The following NFX1 variants were observed in gnomAD, a reference collection of about 807,000 sequenced individuals.
NFX1 encodes nuclear transcription factor, X-box binding 1, also known as transcriptional repressor NF-X1.
Under a neutral mutation model 137.2 loss-of-function variants are expected in NFX1, and 69 were observed. The ratio of observed to expected loss-of-function variants is 0.50; its 90% CI spans 0.41 to 0.61. The LOEUF is 0.61. NFX1 is among the 20% of genes least tolerant of loss of function. NFX1 has a pLI of 0.00. For missense variants in NFX1, 1,167 were observed against 1,391.0 expected (o/e 0.84, Z 2.56); for synonymous variants, 495 against 474.1 (o/e 1.04, Z -0.57).
At position 33,294,499 on chromosome 9, in the gene NFX1, A is replaced by G. The variant is rs768809838; in HGVS notation, c.105A>G (p.Gln35=). 9.9e-6 allele frequency: 16 copies of G among 1,613,538 alleles called. No individual in the cohort carries two copies. In the Admixed American group the frequency reaches 2.5e-4, roughly 25 times the overall value. ...ATTCTGGTCTAAATTGTGGGACTCA[A>G]AGGAGACTAGACTCTAATAGGATTG... ...KKNSGLNCGT[Q]RRLDSNRIGR... The change falls in exon 2 of 24, where the codon CAA becomes CAG. Residue 35 remains glutamine, a synonymous_variant. Transcript: ENST00000379540.
At chr9:33,367,174 C>T (rs1043410397) in intron 22 of NFX1, among the ~76,000 whole-genome samples, 5 of 152,200 alleles carry the variant, frequency 3.3e-5, no homozygotes, top group African/African-American at 1.2e-4. Flanking sequence ...TGGTTCGAGG[C>T]ATCCCCTGTG....
At chr9:33,292,165 C>T (rs1821185859) in intron 1 of NFX1, among the ~76,000 whole-genome samples, 1 of 152,120 alleles carries the variant, frequency 6.6e-6, no homozygotes, top group Non-Finnish European at 1.5e-5. Flanking sequence ...TGGTGTTGTG[C>T]CCAAGTTATT....
chr9:33,332,333 C>G, intron 10 of NFX1, 139 bp from the exon 11 acceptor site: 1 of 739,850 alleles, frequency 1.4e-6, no homozygotes, highest in South Asian at 2.0e-5. Context: ...CCAGACATGG[C>G]AAGTGAAGTT....
chr9:33,348,540 A>G (rs1823519497), intron 15 of NFX1: 1 of 153,300 alleles, frequency 6.5e-6, no homozygotes, highest in South Asian at 2.1e-4. Context: ...GGTCACCCTA[A>G]CAGATATAAT....
At position 33,354,190 on chromosome 9, in the gene NFX1, A is replaced by G. The variant is rs1204025700; in HGVS notation, c.2831+3A>G. The G allele has an allele frequency of 3.7e-6, 6 of 1,608,204 alleles. No homozygotes were observed. The highest frequency in any genetic ancestry group is 5.1e-6 in the Non-Finnish European group (6 of 1,177,026). ...AAAAAGGAAGTTCATCAAGCCAGGTAATTTTTAAAATGCATATATGTGCCT... is the reference window on the plus strand; with the variant it reads ...AAAAAGGAAGTTCATCAAGCCAGGTGATTTTTAAAATGCATATATGTGCCT... On this transcript the variant is annotated splice_donor_region_variant and intron_variant, in intron 18 of 23. Coordinates refer to ENST00000379540, the MANE Select transcript of NFX1 (RefSeq NM_002504.6).
intron 14 of NFX1, among the ~76,000 whole-genome samples, chr9:33,345,480 A>T (rs891116012): frequency 1.3e-5 from 2 of 152,170 alleles, no homozygotes; most frequent in Non-Finnish European, 2.9e-5. Context: ...CTGTCTCAAA[A>T]AAAAAAGAGA....
chr9:33,366,304 T>G (rs1341253097), intron 21 of NFX1, among the ~76,000 whole-genome samples: 3 of 152,224 alleles, frequency 2.0e-5, no homozygotes, highest in South Asian at 2.1e-4. Context: ...TAGTCATTTT[T>G]GGGGAATATC....
chr9:33,313,327 G>A (rs55863878), intron 6 of NFX1, among the ~76,000 whole-genome samples: 3,682 of 152,176 alleles, frequency 0.024, 65 homozygotes, highest in Non-Finnish European at 0.035. Flanking sequence ...GGTGGCTCAA[G>A]CCTGTAATCC....
chr9:33,336,195 A>G (rs1822995640), intron 11 of NFX1, among the ~76,000 whole-genome samples: 1 of 151,884 alleles, frequency 6.6e-6, no homozygotes, highest in South Asian at 2.1e-4. Flanking sequence ...CCTTGCCAAT[A>G]CTTGTTATTT....
chr9:33,297,761 G>A (rs1000135554), intron 2 of NFX1, among the ~76,000 whole-genome samples: 2 of 152,180 alleles, frequency 1.3e-5, no homozygotes, highest in African/African-American at 4.8e-5. Context: ...CAACATGATA[G>A]TTTGCTTCTT....
intron 2 of NFX1, 44 bp downstream of exon 2, chr9:33,295,471 T>C: frequency 6.5e-7 from 1 of 1,528,962 alleles, no homozygotes; most frequent in East Asian, 2.4e-5. Flanking sequence ...CTTTTTAATT[T>C]AAATTTTTAA....
At position 33,351,510 on chromosome 9, in the gene NFX1, C is replaced by T. The variant is rs373438521; in HGVS notation, c.2425-50C>T. 3 of 1,551,552 alleles carry T rather than the reference C, an allele frequency of 1.9e-6. No homozygotes were observed. In the African/African-American group the frequency reaches 4.1e-5, roughly 21 times the overall value. On this transcript the variant is annotated intron_variant, in intron 15 of 23. Coordinates refer to ENST00000379540, the MANE Select transcript of NFX1 (RefSeq NM_002504.6). ...TGTTTAAAGAGAAAGTTAAAACTCA[C>T]CCCAAATCCCACATGGAGATGAGAA...
At chr9:33,301,475 GTAT>G in intron 3 of NFX1, 54 bp downstream of exon 3, 1 of 1,550,812 alleles carries the variant, frequency 6.4e-7, no homozygotes, top group Non-Finnish European at 8.7e-7. Context: ...ATACGTTTAA[GTAT>G]TATTAAGCCC....
chr9:33,329,408 A>G (rs1167039365), intron 10 of NFX1, among the ~76,000 whole-genome samples: 1 of 152,008 alleles, frequency 6.6e-6, no homozygotes, highest in African/African-American at 2.4e-5. Context: ...CTGCCCTAAA[A>G]CTATCCAGTG....
chr9:33,320,368 CCA>C (rs1455728568), intron 9 of NFX1, among the ~76,000 whole-genome samples: 1 of 152,170 alleles, frequency 6.6e-6, no homozygotes, highest in African/African-American at 2.4e-5. Flanking sequence ...TTTATGAACT[CCA>C]GTTACTGTAT....
Position 33,367,550 on chromosome 9 carries a change from G to T in NFX1, c.3221G>T (p.Gly1074Val). The change falls in exon 23 of 24, where the codon GGT becomes GTT. Residue 1074 changes from glycine to valine, a missense_variant. Transcript: ENST00000379540. The part of the protein sequence containing the change: ...KSVCPPTTLT[G>V]VLEREMQARP... Reference sequence around the variant, plus strand: ...GTTTGTCCTCCTACCACGCTGACAGGTGTGCTTGAAAGGGAAATGCAGGCA... The same window carrying T: ...GTTTGTCCTCCTACCACGCTGACAGTTGTGCTTGAAAGGGAAATGCAGGCA... 1 of 1,613,954 alleles carries T rather than the reference G, an allele frequency of 6.2e-7. No individual in the cohort carries two copies. The highest frequency in any genetic ancestry group is 8.5e-7 in the Non-Finnish European group (1 of 1,179,870).
chr9:33,327,926 T>C (rs2118462006), intron 9 of NFX1, among the ~76,000 whole-genome samples: 1 of 152,188 alleles, frequency 6.6e-6, no homozygotes, highest in East Asian at 1.9e-4. Context: ...AGCATTCCAC[T>C]AAAGTCATCC....
At chr9:33,345,830 G>T (rs1309265342) in intron 14 of NFX1, among the ~76,000 whole-genome samples, 1 of 152,160 alleles carries the variant, frequency 6.6e-6, no homozygotes, top group Non-Finnish European at 1.5e-5. Flanking sequence ...CTGATAAACT[G>T]CTCAGATACC....
intron 14 of NFX1, among the ~76,000 whole-genome samples, chr9:33,344,949 G>A (rs1415371983): frequency 6.6e-6 from 1 of 152,110 alleles, no homozygotes; most frequent in Non-Finnish European, 1.5e-5. Context: ...GTCACTTGAG[G>A]TCAGGAGTTC....
Sources: gnomAD v4.1 joint callset for allele counts (sites outside exome capture counted in the v4.1 genomes callset) on GRCh38, gnomAD v4.1.1 for gene constraint, MANE v1.5 for transcripts, NCBI Gene and HGNC (gene_info 2026-07-23, HGNC 2026-07-21) for gene names.